The following KCNG1 variants were observed in gnomAD, a reference collection of about 807,000 sequenced individuals.
KCNG1 encodes the protein voltage-gated potassium channel regulatory subunit KCNG1.
KCNG1 carries 17 observed loss-of-function variants against 32.4 expected under a neutral mutation model. The ratio of observed to expected loss-of-function variants is 0.52; its 90% CI spans 0.36 to 0.79. The LOEUF is 0.79. Among genes scored for constraint, KCNG1 ranks in the 30% least tolerant of loss-of-function variants. The pLI, the probability that KCNG1 is intolerant of heterozygous loss-of-function variation, is 0.00. For missense variants in KCNG1, 441 were observed against 735.2 expected, an observed-to-expected ratio of 0.60 and a Z score of 4.63; for synonymous variants, 358 against 339.9, an observed-to-expected ratio of 1.05 and a Z score of -0.59.
chr20:51,003,936 C>A lies in KCNG1; in HGVS notation c.*103G>T. 1.5e-6 allele frequency: 2 copies of A among 1,343,324 alleles called. No individual in the cohort carries two copies. The allele number at this position is 1,343,324 out of a possible 1,614,324, so 83.2% of individuals were successfully genotyped here. A position where few individuals can be genotyped will look rare whatever the true frequency, so the allele number is the denominator to read the frequency against. ...GGGTGCGTGGGAGTCGGTGCTGCGC[C>A]AGGACTGCACTCGGAAGCGGCCTGT... is the stretch of plus-strand genomic sequence containing the variant. On this transcript the variant is annotated 3_prime_UTR_variant, in exon 3 of 3. Coordinates refer to ENST00000371571, the MANE Select transcript of KCNG1 (RefSeq NM_002237.4).
chr20:51,009,266 G>C (rs1416147827), intron 2 of KCNG1, among the ~76,000 whole-genome samples: 2 of 152,164 alleles, frequency 1.3e-5, no homozygotes, highest in Non-Finnish European at 2.9e-5. Flanking sequence ...TCACTCATTT[G>C]TTCATTCAAC....
chr20:51,003,800 G>T lies in KCNG1; in HGVS notation c.*239C>A. ...CACACATAGGGGCTGGGGTGGGCGG[G>T]GCTGGGCTGATGACCCAGCTTCCTT... On this transcript the variant is annotated 3_prime_UTR_variant, in exon 3 of 3. Transcript: ENST00000371571. The T allele has an allele frequency of 1.9e-6, 1 of 528,404 alleles. No homozygotes were observed. The highest frequency in any genetic ancestry group is 1.9e-5 in the African/African-American group (1 of 52,414). The allele number at this position is 528,404 out of a possible 1,614,324, so 32.7% of individuals were successfully genotyped here.
At chr20:51,018,321 A>C (rs1388618528) in intron 1 of KCNG1, among the ~76,000 whole-genome samples, 1 of 152,128 alleles carries the variant, frequency 6.6e-6, no homozygotes, top group Admixed American at 6.5e-5. Flanking sequence ...TGCTGACCTC[A>C]CGGGGCTATT....
Position 51,004,277 on chromosome 20 carries a change from G to A in KCNG1, c.1304C>T (p.Thr435Ile). The A allele has an allele frequency of 1.2e-6, 2 of 1,613,508 alleles. No homozygotes were observed. Among genetic ancestry groups the A allele is most frequent in the Admixed American group, 1.7e-5 (1 of 60,016 alleles). Reference sequence around the variant, plus strand: ...GCTCAGGGCCACTACCTGGCCCGGGGTGCTCCTGGGGACCATGTCGCCATA... The same window carrying A: ...GCTCAGGGCCACTACCTGGCCCGGGATGCTCCTGGGGACCATGTCGCCATA... ...VGYGDMVPRS[T>I]PGQVVALSSI... The change falls in exon 3 of 3, where the codon ACC becomes ATC. Residue 435 changes from threonine to isoleucine, a missense_variant. Coordinates refer to ENST00000371571, the MANE Select transcript of KCNG1 (RefSeq NM_002237.4). This position sits in a 1 kb window ranked among gnomAD's most constrained non-coding sequence, Gnocchi z 4.3.
At chr20:51,021,214 G>A (rs6096231) in intron 1 of KCNG1, among the ~76,000 whole-genome samples, 1,703 of 152,340 alleles carry the variant, frequency 0.011, 37 homozygotes, top group African/African-American at 0.037. Context: ...CATCTTTCCC[G>A]TGGAACGGGC....
intron 1 of KCNG1, among the ~76,000 whole-genome samples, chr20:51,013,359 C>T: frequency 6.6e-6 from 1 of 152,024 alleles, no homozygotes; most frequent in East Asian, 1.9e-4. Context: ...AGACAAATCC[C>T]CAATGGAATC....
intron 1 of KCNG1, among the ~76,000 whole-genome samples, chr20:51,012,985 G>A (rs753487910): frequency 6.6e-6 from 1 of 152,152 alleles, no homozygotes; most frequent in Non-Finnish European, 1.5e-5. Context: ...AAGTTAGTAG[G>A]AGTCAAATAC....
chr20:51,013,476 G>A (rs193034644), intron 1 of KCNG1, among the ~76,000 whole-genome samples: 4 of 152,032 alleles, frequency 2.6e-5, no homozygotes, highest in Admixed American at 2.6e-4. Context: ...AAACACACCC[G>A]TACACAAACA....
chr20:51,010,236 T>A lies in KCNG1; in HGVS notation c.103A>T (p.Ile35Phe). The A allele has an allele frequency of 6.4e-7, 1 of 1,557,364 alleles. No individual in the cohort carries two copies. The highest frequency in any genetic ancestry group is 8.6e-7 in the Non-Finnish European group (1 of 1,157,852). Residue 35 changes from isoleucine to phenylalanine, a missense_variant, in exon 2 of 3, where the codon ATC becomes TTC. Physicochemically the swap from Ile to Phe is conservative, Grantham distance 21 (BLOSUM62 0). Transcript: ENST00000371571. ...HPAFLPQRQAIKGAFYRRAQR... is the reference protein window; with the variant it reads ...HPAFLPQRQAFKGAFYRRAQR... ...GCCCGGCGGTAGAACGCGCCCTTGA[T>A]GGCCTGGCGCTGCGGGAGGAAGGCC...
intron 1 of KCNG1, among the ~76,000 whole-genome samples, chr20:51,022,426 C>T (rs773990796): frequency 1.3e-5 from 2 of 152,178 alleles, no homozygotes; most frequent in Non-Finnish European, 2.9e-5. Flanking sequence ...CTCAATCAGG[C>T]CCACGGTGGG....
intron 1 of KCNG1, among the ~76,000 whole-genome samples, chr20:51,017,301 G>GA (rs1988314662): frequency 6.6e-6 from 1 of 152,158 alleles, no homozygotes; most frequent in Non-Finnish European, 1.5e-5. Flanking sequence ...GTGCCGAGTG[G>GA]AAAAAGAAAC....
At chr20:51,013,627 A>G (rs1222785868) in intron 1 of KCNG1, 1 of 152,194 alleles carries the variant, frequency 6.6e-6, no homozygotes, top group Non-Finnish European at 1.5e-5. Context: ...ATCTTTGGGG[A>G]AGGCTACAAT....
In KCNG1 at chr20:51,003,984, G is replaced by A; in HGVS notation, c.*55C>T. ...TGTCCCTCTCCAGGCGTCTGCAGTG[G>A]ATGGCAATGGCTTCGGGCCACAGAT... On this transcript the variant is annotated 3_prime_UTR_variant, in exon 3 of 3. Coordinates refer to ENST00000371571, the MANE Select transcript of KCNG1 (RefSeq NM_002237.4). The A allele has an allele frequency of 6.3e-7, 1 of 1,575,248 alleles. No individual in the cohort carries two copies. Among genetic ancestry groups the A allele is most frequent in the Non-Finnish European group, 8.6e-7 (1 of 1,158,904 alleles).
intron 1 of KCNG1, among the ~76,000 whole-genome samples, chr20:51,022,000 T>C (rs1164577062): frequency 2.0e-5 from 3 of 152,204 alleles, no homozygotes; most frequent in African/African-American, 7.2e-5. Flanking sequence ...CATGGGCTGC[T>C]ACAGTTGGCC....
At chr20:51,021,483 C>T (rs1988482366) in intron 1 of KCNG1, among the ~76,000 whole-genome samples, 1 of 152,166 alleles carries the variant, frequency 6.6e-6, no homozygotes, top group African/African-American at 2.4e-5. Flanking sequence ...CGGTGAGGCT[C>T]TTCATAGGGA....
At position 51,004,522 on chromosome 20, in the gene KCNG1, C is replaced by A; in HGVS notation, c.1059G>T (p.Val353=). ...RVLRALRILY[V]MRLARHSLGL... ...CCAGGGAGTGGCGCGCCAGGCGCAT[C>A]ACGTACAGGATGCGCAGCGCCCGCA... Residue 353 remains valine, a synonymous_variant, in exon 3 of 3, where the codon GTG becomes GTT. Transcript: ENST00000371571. This position sits in a 1 kb window ranked among gnomAD's most constrained non-coding sequence, Gnocchi z 4.3. 1.3e-6 allele frequency: 2 copies of A among 1,592,200 alleles called. No homozygotes were observed. Among genetic ancestry groups the A allele is most frequent in the Middle Eastern group, 1.7e-4 (1 of 5,982 alleles).
intron 1 of KCNG1, among the ~76,000 whole-genome samples, chr20:51,012,116 C>A (rs924923740): frequency 3.3e-5 from 5 of 152,162 alleles, no homozygotes; most frequent in Non-Finnish European, 7.3e-5. Context: ...CTTAAAGGGA[C>A]AACTAATATT....
Position 51,010,368 on chromosome 20 carries a change from T to G in KCNG1, c.-26-4A>C. On this transcript the variant is annotated splice_region_variant and splice_polypyrimidine_tract_variant and intron_variant, in intron 1 of 2. Coordinates refer to ENST00000371571, the MANE Select transcript of KCNG1 (RefSeq NM_002237.4). ...GGCCTTCACATCCCTCTCGGGCCTGTGGGGAGAAGGGAGGGAAGACCCTCA... is the reference window on the plus strand; with the variant it reads ...GGCCTTCACATCCCTCTCGGGCCTGGGGGGAGAAGGGAGGGAAGACCCTCA... The G allele has an allele frequency of 6.7e-7, 1 of 1,497,064 alleles. No individual in the cohort carries two copies. Among genetic ancestry groups the G allele is most frequent in the Non-Finnish European group, 8.8e-7 (1 of 1,130,426 alleles). 92.7% of individuals were successfully genotyped at this position (1,497,064 alleles called of 1,614,324 possible).
chr20:51,004,900 G>A lies in KCNG1; in HGVS notation c.775-94C>T. 3 of 1,339,418 alleles carry A rather than the reference G, an allele frequency of 2.2e-6. No individual in the cohort carries two copies. Among genetic ancestry groups the A allele is most frequent in the South Asian group, 3.2e-5 (2 of 63,178 alleles). 83.0% of individuals were successfully genotyped at this position (1,339,418 alleles called of 1,614,324 possible). ...CCCTGTGCCCTGCTGGGCTTCCCAG[G>A]CGGAAGGTGACCTCTCCAGGTTGAG... On this transcript the variant is annotated intron_variant, in intron 2 of 2. Transcript: ENST00000371571. The surrounding 1 kb of genome is among the most constrained non-coding windows in gnomAD (Gnocchi z 4.3).
Sources: allele counts gnomAD v4.1 joint callset (sites outside exome capture counted in the v4.1 genomes callset), GRCh38; gene constraint gnomAD v4.1.1; non-coding constraint Gnocchi (gnomAD v3.1); transcripts MANE v1.5; gene names NCBI Gene and HGNC (gene_info 2026-07-23, HGNC 2026-07-21).